ZFAND3: variants seen among roughly 807,000 people sequenced by gnomAD.
ZFAND3 encodes zinc finger AN1-type containing 3.
ZFAND3 carries 10 observed loss-of-function variants against 29.6 expected under a neutral mutation model. The ratio of observed to expected loss-of-function variants is 0.34; its 90% CI spans 0.21 to 0.57. The LOEUF (loss-of-function observed/expected upper bound fraction) is 0.57. Among genes scored for constraint, ZFAND3 ranks in the 20% least tolerant of loss-of-function variants. The probability of loss-of-function intolerance (pLI) is 0.86; values close to 1 mark genes in which losing one functional copy is unlikely to be tolerated. For synonymous variants in ZFAND3, 128 were observed against 112.6 expected (o/e 1.14, Z -0.87); for missense variants, 230 against 304.5 (o/e 0.76, Z 1.82).
At chr6:37,862,183 TTTG>T (rs769493581) in intron 1 of ZFAND3, among the ~76,000 whole-genome samples, 21 of 152,288 alleles carry the variant, frequency 1.4e-4, no homozygotes, top group Non-Finnish European at 2.1e-4. Context: ...TATTTTGATT[TTTG>T]TTGTTTTTTA....
In ZFAND3 at chr6:37,851,502, T is replaced by C. The variant is rs1581708358; in HGVS notation, c.71+31486T>C. On this transcript the variant is annotated intron_variant, in intron 1 of 5. Transcript: ENST00000287218. ...TAGTCTGCCTCCAAACTATCTTGTT[T>C]AGCCCAGTCTCCCACCCTTTCCCAC... 2.3e-5 allele frequency among the ~76,000 whole-genome samples: 3 copies of C among 128,874 alleles called. No individual in the cohort carries two copies. In the South Asian group the frequency reaches 7.1e-4, roughly 30 times the overall value. The allele number at this position is 128,874 out of a possible 152,430, so 84.5% of individuals were successfully genotyped here. A position where few individuals can be genotyped will look rare whatever the true frequency, so the allele number is the denominator to read the frequency against.
chr6:37,911,711 C>G (rs188537880), intron 1 of ZFAND3, among the ~76,000 whole-genome samples: 116 of 152,280 alleles, frequency 7.6e-4, no homozygotes, highest in African/African-American at 2.6e-3. Context: ...AGTAACAGAA[C>G]AGGCATAATT....
chr6:37,903,414 G>A lies in ZFAND3; in HGVS notation c.72-26545G>A, dbSNP rs1281549327. Among the ~76,000 whole-genome samples, 3 of 152,102 alleles carry A rather than the reference G, an allele frequency of 2.0e-5. 1 individual carries two copies. The highest frequency in any genetic ancestry group is 4.4e-5 in the Non-Finnish European group (3 of 68,012). ...TACTGGTCATCTAGATTACCACATT[G>A]GTTTTCTGGGAACTTCATCATTCAG... is the stretch of plus-strand genomic sequence containing the variant. On this transcript the variant is annotated intron_variant, in intron 1 of 5. Transcript: ENST00000287218.
At chr6:37,953,435 A>G (rs1458735066) in intron 2 of ZFAND3, among the ~76,000 whole-genome samples, 1 of 123,960 alleles carries the variant, frequency 8.1e-6, no homozygotes, top group Non-Finnish European at 1.7e-5. Context: ...ACTTTTGCAT[A>G]ATTATCTTTT....
chr6:37,843,961 A>T (rs1302318683), intron 1 of ZFAND3, among the ~76,000 whole-genome samples: 1 of 152,126 alleles, frequency 6.6e-6, no homozygotes, highest in African/African-American at 2.4e-5. Context: ...TTTGTTGCCC[A>T]GGCTGGAGTG....
At chr6:37,855,498 C>T (rs532210305) in intron 1 of ZFAND3, among the ~76,000 whole-genome samples, 3 of 152,132 alleles carry the variant, frequency 2.0e-5, no homozygotes, top group South Asian at 4.2e-4. Flanking sequence ...AACACCTCCC[C>T]GCCCCATATT....
intron 2 of ZFAND3, among the ~76,000 whole-genome samples, chr6:37,931,638 C>G (rs993607839): frequency 2.6e-5 from 4 of 151,732 alleles, no homozygotes; most frequent in African/African-American, 9.7e-5. Context: ...TGGACCAAAT[C>G]ATTTGTTTTG....
intron 2 of ZFAND3, among the ~76,000 whole-genome samples, chr6:38,013,193 C>T (rs1763190162): frequency 6.6e-6 from 1 of 152,098 alleles, no homozygotes; most frequent in African/African-American, 2.4e-5. Flanking sequence ...AAATTTATGT[C>T]CTGTATTTTC....
chr6:37,996,501 T>C (rs1762851753), intron 2 of ZFAND3, among the ~76,000 whole-genome samples: 1 of 152,314 alleles, frequency 6.6e-6, no homozygotes, highest in South Asian at 2.1e-4. Flanking sequence ...GTCTGATCTT[T>C]TATCCAACAT....
chr6:38,046,764 A>G (rs985215565), intron 2 of ZFAND3, among the ~76,000 whole-genome samples: 4 of 152,238 alleles, frequency 2.6e-5, no homozygotes, highest in African/African-American at 9.6e-5. Flanking sequence ...GATATTTTAT[A>G]AAGAACAAGG....
In ZFAND3 at chr6:38,082,360, C is replaced by T. The variant is rs201763369; in HGVS notation, c.296-32C>T. The T allele has an allele frequency of 3.5e-4, 567 of 1,602,680 alleles. 2 individuals are homozygous for T. In the African/African-American group the frequency reaches 6.7e-3, roughly 19 times the overall value. On this transcript the variant is annotated intron_variant, in intron 3 of 5. Coordinates refer to ENST00000287218, the MANE Select transcript of ZFAND3 (RefSeq NM_021943.3). ...CTATATGGGCATGTAAAGGATGTGT[C>T]CTGACTGATGCACCTGCCTTTCTGT... is the stretch of plus-strand genomic sequence containing the variant.
chr6:38,061,634 A>G lies in ZFAND3; in HGVS notation c.154A>G (p.Thr52Ala). Reference protein sequence around the residue: ...KQPDDDSAPSTSNSQSDLFSE... With the variant: ...KQPDDDSAPSASNSQSDLFSE... ...GCCAGACGATGATTCCGCTCCAAGT[A>G]CAAGTAACAGCCAATCAGATTTGTT... is the stretch of plus-strand genomic sequence containing the variant. The change falls in exon 3 of 6, where the codon ACA (threonine) becomes GCA (alanine). Residue 52 changes from threonine (T) to alanine (A), a missense_variant. Physicochemically the swap from Thr to Ala is moderately conservative, Grantham distance 58. Transcript: ENST00000287218. The G allele has an allele frequency of 6.2e-7, 1 of 1,614,242 alleles. No individual in the cohort carries two copies. Among genetic ancestry groups the G allele is most frequent in the East Asian group, 2.2e-5 (1 of 44,892 alleles).
intron 3 of ZFAND3, among the ~76,000 whole-genome samples, chr6:38,074,040 C>G (rs1006367608): frequency 1.3e-5 from 2 of 152,132 alleles, no homozygotes; most frequent in Non-Finnish European, 2.9e-5. Context: ...TCAGTTGGCA[C>G]GTAAGGAGTA....
chr6:37,928,734 T>G (rs1014230965), intron 1 of ZFAND3, among the ~76,000 whole-genome samples: 1 of 152,180 alleles, frequency 6.6e-6, no homozygotes, highest in Non-Finnish European at 1.5e-5. Flanking sequence ...CAGGCTGGTC[T>G]TGAACTCCTG....
chr6:38,006,362 A>G (rs1763048383), intron 2 of ZFAND3, among the ~76,000 whole-genome samples: 2 of 152,318 alleles, frequency 1.3e-5, no homozygotes, highest in South Asian at 4.1e-4. Flanking sequence ...ACACTAAACA[A>G]TTCTAATTGT....
At position 38,085,019 on chromosome 6, in the gene ZFAND3, C is replaced by G. The variant is rs1024988365; in HGVS notation, c.361+2562C>G. 2.4e-4 allele frequency among the ~76,000 whole-genome samples: 36 copies of G among 152,278 alleles called. 1 individual carries two copies. The highest frequency in any genetic ancestry group is 1.6e-3 in the Admixed American group (24 of 15,288). ...AAATTGAAATGATTTATTTTGAGAA[C>G]CACAGGTTGACTGTCTTTGTCTCCA... On this transcript the variant is annotated intron_variant, in intron 4 of 5. Transcript: ENST00000287218.
chr6:37,867,133 T>A (rs1198811020), intron 1 of ZFAND3, among the ~76,000 whole-genome samples: 1 of 152,174 alleles, frequency 6.6e-6, no homozygotes, highest in East Asian at 1.9e-4. Context: ...GAAAAATCCT[T>A]CCTATCTTTT....
chr6:37,822,598 G>A (rs1355024832), intron 1 of ZFAND3, among the ~76,000 whole-genome samples: 1 of 152,162 alleles, frequency 6.6e-6, no homozygotes, highest in Non-Finnish European at 1.5e-5. Flanking sequence ...CTGGGGCAGG[G>A]GGCACAGGGA....
intron 2 of ZFAND3, among the ~76,000 whole-genome samples, chr6:38,046,237 G>A (rs1159274390): frequency 6.6e-6 from 1 of 152,180 alleles, no homozygotes; most frequent in East Asian, 1.9e-4. Context: ...CTATTGAGCT[G>A]CATGGAATAA....
Sources: allele counts gnomAD v4.1 joint callset (sites outside exome capture counted in the v4.1 genomes callset), GRCh38; gene constraint gnomAD v4.1.1; transcripts MANE v1.5; gene names NCBI Gene and HGNC (gene_info 2026-07-23, HGNC 2026-07-21).